The following ZMYM2 variants were observed in gnomAD, a reference collection of about 807,000 sequenced individuals.
The protein encoded by ZMYM2 is zinc finger MYM-type containing 2.
ZMYM2 carries 56 observed loss-of-function variants against 162.8 expected under a neutral mutation model. The observed-to-expected ratio is 0.34, with a 90% CI of 0.28 to 0.43. The LOEUF (loss-of-function observed/expected upper bound fraction) is 0.43, where lower values mean the gene tolerates loss of function less well. Ranked by LOEUF, ZMYM2 falls within the 20% of genes least tolerant of loss-of-function variation. ZMYM2 has a pLI of 1.00. For missense variants in ZMYM2, 1,275 were observed against 1,621.8 expected (o/e 0.79, Z 3.67); for synonymous variants, 510 against 541.6 (o/e 0.94, Z 0.81).
chr13:20,013,999 T>G (rs1020926925), intron 6 of ZMYM2, among the ~76,000 whole-genome samples: 5 of 152,182 alleles, frequency 3.3e-5, no homozygotes, highest in Non-Finnish European at 5.9e-5. Flanking sequence ...GGAATTGGTG[T>G]TAATTCTTTA....
intron 22 of ZMYM2, among the ~76,000 whole-genome samples, chr13:20,082,337 G>A (rs933018559): frequency 1.3e-5 from 2 of 152,162 alleles, no homozygotes; most frequent in African/African-American, 4.8e-5. Context: ...TGTAAGAAAT[G>A]TAATCTACTT....
chr13:19,949,565 C>T, the ZMYM2 span, among the ~76,000 whole-genome samples: 1 of 151,858 alleles, frequency 6.6e-6, no homozygotes, highest in Non-Finnish European at 1.5e-5. Context: ...TGACTCCAGC[C>T]TAGGCAACAG....
rs933271372 is a variant in ZMYM2, at chr13:20,075,996, C to CT, written c.3454-6012dup. The stretch of plus-strand genomic sequence containing the variant: ...CAGGCATGAGCCACCATGCCAGCCA[C>CT]TTTTTTTTCTTTAATCTCCCCACCT... On this transcript the variant is annotated intron_variant, in intron 21 of 24. Coordinates refer to ENST00000610343, the MANE Select transcript of ZMYM2 (RefSeq NM_197968.4). 1.7e-4 allele frequency among the ~76,000 whole-genome samples: 26 copies of CT among 150,708 alleles called. 1 individual carries two copies. Among genetic ancestry groups the CT allele is most frequent in the Admixed American group, 5.3e-4 (8 of 15,214 alleles).
intron 4 of ZMYM2, 112 bp from the exon 5 acceptor site, chr13:20,004,962 A>T: frequency 1.3e-6 from 1 of 743,928 alleles, no homozygotes; most frequent in Non-Finnish European, 2.1e-6. Context: ...TAGATCCAAG[A>T]ATGATGTTTG....
the ZMYM2 span, among the ~76,000 whole-genome samples, chr13:19,940,494 C>T: frequency 1.4e-4 from 21 of 152,342 alleles, no homozygotes; most frequent in South Asian, 3.1e-3. Context: ...CTTTTCCGTT[C>T]TCTACTTTCA....
intron 12 of ZMYM2, among the ~76,000 whole-genome samples, 173 bp downstream of exon 12, chr13:20,037,082 C>G (rs906792143): frequency 1.3e-5 from 2 of 151,916 alleles, no homozygotes; most frequent in African/African-American, 4.8e-5. Context: ...TTTGAAGTAG[C>G]ATTTTTATCT....
chr13:19,866,840 G>A, the ZMYM2 span, among the ~76,000 whole-genome samples: 1 of 152,042 alleles, frequency 6.6e-6, no homozygotes, highest in Non-Finnish European at 1.5e-5. Flanking sequence ...GCTGCAGTGA[G>A]CCATGATTGT....
intron 6 of ZMYM2, among the ~76,000 whole-genome samples, chr13:20,009,712 A>C (rs1250869216): frequency 6.6e-6 from 1 of 152,232 alleles, no homozygotes; most frequent in Non-Finnish European, 1.5e-5. Context: ...TAATGCTTTC[A>C]GTTTCATCCA....
At chr13:20,026,867 TTTATA>T in intron 8 of ZMYM2, 105 bp downstream of exon 8, 3 of 1,185,522 alleles carry the variant, frequency 2.5e-6, no homozygotes, top group Non-Finnish European at 1.1e-6. Context: ...AGCTTTTTAT[TTTATA>T]TTAATCTTTT....
At chr13:19,878,942 C>T in the ZMYM2 span, among the ~76,000 whole-genome samples, 2 of 152,062 alleles carry the variant, frequency 1.3e-5, no homozygotes, top group Non-Finnish European at 2.9e-5. Flanking sequence ...CTGTGGGTTG[C>T]CTTTTTACTC....
At chr13:19,966,127 T>TTTTTG (rs201021332) in intron 2 of ZMYM2, among the ~76,000 whole-genome samples, 6,600 of 147,434 alleles carry the variant, frequency 0.045, 439 homozygotes, top group African/African-American at 0.15. Context: ...TTTTTTTTTG[T>TTTTTG]TTTTGTTTTG....
At chr13:20,082,667 A>G (rs1957987095) in intron 22 of ZMYM2, 114 bp from the exon 23 acceptor site, 4 of 905,496 alleles carry the variant, frequency 4.4e-6, no homozygotes, top group African/African-American at 1.7e-5. Context: ...TTGATCTAAT[A>G]TGAAAGGAGA....
chr13:20,011,573 G>GTTGT (rs1951182827), intron 6 of ZMYM2, among the ~76,000 whole-genome samples: 1 of 144,204 alleles, frequency 6.9e-6, no homozygotes, highest in South Asian at 2.2e-4. Flanking sequence ...TTATTTTTTT[G>GTTGT]TTTTATTTTT....
At chr13:19,886,204 G>A in the ZMYM2 span, among the ~76,000 whole-genome samples, 2 of 83,868 alleles carry the variant, frequency 2.4e-5, no homozygotes, top group Non-Finnish European at 4.3e-5. Context: ...CACTCTTGTT[G>A]CCCAAGCTGG....
At chr13:19,875,229 G>A in the ZMYM2 span, among the ~76,000 whole-genome samples, 10 of 152,118 alleles carry the variant, frequency 6.6e-5, no homozygotes, top group South Asian at 2.1e-4. Flanking sequence ...GTGTTCACCC[G>A]CATGTGTGAG....
At chr13:20,064,057 ATTTTC>A (rs1459537709) in intron 18 of ZMYM2, among the ~76,000 whole-genome samples, 1 of 150,534 alleles carries the variant, frequency 6.6e-6, no homozygotes, top group Non-Finnish European at 1.5e-5. Context: ...ATTTTTCATT[ATTTTC>A]TTAATCCATG....
At chr13:20,020,494 C>T (rs996299174) in intron 7 of ZMYM2, among the ~76,000 whole-genome samples, 1 of 151,980 alleles carries the variant, frequency 6.6e-6, no homozygotes, top group Non-Finnish European at 1.5e-5. Flanking sequence ...CAAGTGTTGG[C>T]GTTACAGGCG....
chr13:20,008,667 A>T (rs1393821552), intron 6 of ZMYM2, among the ~76,000 whole-genome samples: 1 of 152,224 alleles, frequency 6.6e-6, no homozygotes, highest in Non-Finnish European at 1.5e-5. Flanking sequence ...ATGTGCATAC[A>T]TTCTGATGGC....
the ZMYM2 span, among the ~76,000 whole-genome samples, chr13:19,882,842 C>T: frequency 3.3e-5 from 5 of 152,276 alleles, no homozygotes; most frequent in East Asian, 9.7e-4. Flanking sequence ...CTGTGGAAAA[C>T]TAGTGGTTCT....
Sources: gnomAD v4.1 joint callset for allele counts (sites outside exome capture counted in the v4.1 genomes callset) on GRCh38, gnomAD v4.1.1 for gene constraint, MANE v1.5 for transcripts, NCBI Gene and HGNC (gene_info 2026-07-23, HGNC 2026-07-21) for gene names.